RBFOX3: variants seen among roughly 807,000 people sequenced by gnomAD.
RBFOX3 encodes RNA binding fox-1 homolog 3.
Under a neutral mutation model 48.7 loss-of-function variants are expected in RBFOX3, and 17 were observed. That is an observed-to-expected ratio of 0.35 (90% confidence interval 0.24 to 0.52). RBFOX3 has a LOEUF of 0.52. RBFOX3 is among the 20% of genes least tolerant of loss of function. The probability of loss-of-function intolerance (pLI) is 0.94; values close to 1 mark genes in which losing one functional copy is unlikely to be tolerated. For synonymous variants in RBFOX3, 212 were observed against 209.5 expected, an observed-to-expected ratio of 1.01 and a Z score of -0.10; for missense variants, 382 against 497.5, an observed-to-expected ratio of 0.77 and a Z score of 2.21.
Position 79,391,861 on chromosome 17 carries a change from T to TA in RBFOX3, c.-174-84038dup, listed in dbSNP as rs34292350. On this transcript the variant is annotated intron_variant, in intron 2 of 14. Transcript: ENST00000693108. This position sits in a 1 kb window ranked among gnomAD's most constrained non-coding sequence, Gnocchi z 5.0. Reference sequence around the variant, plus strand: ...TCTGATCCTCGGTTTCCGAATCTGTTAAAAAAAAAAGGCTCCAGGCTGGAC... The same window carrying TA: ...TCTGATCCTCGGTTTCCGAATCTGTTAAAAAAAAAAAGGCTCCAGGCTGGAC... Among the ~76,000 whole-genome samples the TA allele has an allele frequency of 0.088, 12,992 of 147,970 alleles. 508 individuals are homozygous for TA. The highest frequency in any genetic ancestry group is 0.15 in the Middle Eastern group (42 of 284).
In RBFOX3 at chr17:79,365,166, C is replaced by A. The variant is rs143775878; in HGVS notation, c.-174-57342G>T. 6.5e-3 allele frequency among the ~76,000 whole-genome samples: 993 copies of A among 152,206 alleles called. 6 individuals are homozygous for A. The highest frequency in any genetic ancestry group is 0.017 in the Middle Eastern group (5 of 294). On this transcript the variant is annotated intron_variant, in intron 2 of 14. Coordinates refer to ENST00000693108, the MANE Select transcript of RBFOX3 (RefSeq NM_001350451.2). Reference sequence around the variant, plus strand: ...ACACACTCTCTCATGCACATGCACACGGTATTTCTGGGGAAAATCTTAACT... The same window carrying A: ...ACACACTCTCTCATGCACATGCACAAGGTATTTCTGGGGAAAATCTTAACT...
intron 4 of RBFOX3, among the ~76,000 whole-genome samples, chr17:79,130,266 G>A (rs1447588956): frequency 6.6e-6 from 1 of 152,136 alleles, no homozygotes; most frequent in Non-Finnish European, 1.5e-5. Context: ...ACTTCTCCAC[G>A]AAGACTTCCT....
At chr17:79,498,253 T>C (rs2081856453) in intron 1 of RBFOX3, among the ~76,000 whole-genome samples, 1 of 152,164 alleles carries the variant, frequency 6.6e-6, no homozygotes, top group South Asian at 2.1e-4. Flanking sequence ...CGTTTTCCTT[T>C]TGCGCTCCTT....
intron 3 of RBFOX3, among the ~76,000 whole-genome samples, chr17:79,273,646 A>G (rs1032213633): frequency 2.1e-4 from 32 of 152,102 alleles, no homozygotes; most frequent in African/African-American, 7.7e-4. Flanking sequence ...GTCCTGGGGC[A>G]CATAGGTGGT....
chr17:79,192,656 C>G (rs531679292), intron 4 of RBFOX3, among the ~76,000 whole-genome samples: 3 of 152,288 alleles, frequency 2.0e-5, no homozygotes, highest in Non-Finnish European at 2.9e-5. Flanking sequence ...GCTGGAAGGA[C>G]CGGGCACGAG....
rs944625354 is a variant in RBFOX3, at chr17:79,576,670, T to C, written c.-320+34156A>G. On this transcript the variant is annotated intron_variant, in intron 1 of 14. Transcript: ENST00000693108. Reference sequence around the variant, plus strand: ...TGGGAGATGATGGAGAAGTTGGAGATGATGGAGAAGGCGGAGATGATGAAG... The same window carrying C: ...TGGGAGATGATGGAGAAGTTGGAGACGATGGAGAAGGCGGAGATGATGAAG... 8.0e-3 allele frequency among the ~76,000 whole-genome samples: 1,193 copies of C among 148,984 alleles called. 18 individuals are homozygous for C. Among genetic ancestry groups the C allele is most frequent in the African/African-American group, 0.028 (1,134 of 40,186 alleles).
At position 79,480,352 on chromosome 17, in the gene RBFOX3, C is replaced by A. The variant is rs2149474962; in HGVS notation, c.-175+2102G>T. On this transcript the variant is annotated intron_variant, in intron 2 of 14. Transcript: ENST00000693108. This position sits in a 1 kb window ranked among gnomAD's most constrained non-coding sequence, Gnocchi z 4.8. ...CCGGGTCCATGGCAGAGCCAGTGCT[C>A]CCAGGGATAGAGTGCGACAGTGGGC... Among the ~76,000 whole-genome samples the A allele has an allele frequency of 6.6e-6, 1 of 152,292 alleles. No individual in the cohort carries two copies. The highest frequency in any genetic ancestry group is 1.9e-4 in the East Asian group (1 of 5,176).
Position 79,101,698 on chromosome 17 carries a change from A to C in RBFOX3, c.508-54T>G, listed in dbSNP as rs996121121. 1.1e-5 allele frequency: 17 copies of C among 1,480,106 alleles called. No homozygotes were observed. The Admixed American group carries it at 2.8e-4, about 24-fold the overall frequency. 91.7% of individuals were successfully genotyped at this position (1,480,106 alleles called of 1,614,324 possible). ...AGAGGGAGGATTAGCCTCCTGGAAGACCCACTGGCCACTCCTCCCCGCCCT... is the reference window on the plus strand; with the variant it reads ...AGAGGGAGGATTAGCCTCCTGGAAGCCCCACTGGCCACTCCTCCCCGCCCT... On this transcript the variant is annotated intron_variant, in intron 8 of 14. Transcript: ENST00000693108.
At position 79,364,641 on chromosome 17, in the gene RBFOX3, G is replaced by A. The variant is rs28583595; in HGVS notation, c.-174-56817C>T. Among the ~76,000 whole-genome samples the A allele has an allele frequency of 3.3e-5, 5 of 152,220 alleles. No individual in the cohort carries two copies. The highest frequency in any genetic ancestry group is 9.6e-5 in the African/African-American group (4 of 41,452). On this transcript the variant is annotated intron_variant, in intron 2 of 14. Transcript: ENST00000693108. The surrounding 1 kb of genome is among the most constrained non-coding windows in gnomAD (Gnocchi z 5.1). Reference sequence around the variant, plus strand: ...TGCTGGTGGGTGACGGGGAGCGGGCGTGAGCAGGTCGGATAGCCTGCTGTT... The same window carrying A: ...TGCTGGTGGGTGACGGGGAGCGGGCATGAGCAGGTCGGATAGCCTGCTGTT...
intron 4 of RBFOX3, among the ~76,000 whole-genome samples, chr17:79,229,895 A>T (rs190700244): frequency 6.6e-6 from 1 of 152,314 alleles, no homozygotes; most frequent in Admixed American, 6.5e-5. Flanking sequence ...CCTTTTGAAC[A>T]GGCCTGTTGT....
intron 4 of RBFOX3, among the ~76,000 whole-genome samples, chr17:79,164,244 GAA>G (rs1158641746): frequency 2.0e-5 from 3 of 152,206 alleles, no homozygotes; most frequent in Non-Finnish European, 4.4e-5. Flanking sequence ...CGCCTGGGCA[GAA>G]AAGTGCAGCT....
At chr17:79,231,754 C>G (rs1176100244) in intron 4 of RBFOX3, among the ~76,000 whole-genome samples, 1 of 152,166 alleles carries the variant, frequency 6.6e-6, no homozygotes, top group Non-Finnish European at 1.5e-5. Context: ...TATCCATACA[C>G]AGAAAACCAT....
At chr17:79,275,006 C>G (rs1351825153) in intron 3 of RBFOX3, among the ~76,000 whole-genome samples, 1 of 148,398 alleles carries the variant, frequency 6.7e-6, no homozygotes, top group East Asian at 2.0e-4. Context: ...CCATCATCCA[C>G]CAGCCCCAGA....
the RBFOX3 span, among the ~76,000 whole-genome samples, chr17:79,620,429 G>GGACA: frequency 9.0e-6 from 1 of 111,554 alleles, no homozygotes; most frequent in Non-Finnish European, 1.9e-5. Flanking sequence ...ACACACGCAC[G>GGACA]TGCACACATG....
At chr17:79,658,822 A>G in the RBFOX3 span, among the ~76,000 whole-genome samples, 1 of 152,296 alleles carries the variant, frequency 6.6e-6, no homozygotes, top group South Asian at 2.1e-4. Flanking sequence ...AAGAGCTTAT[A>G]TTCTAGACAA....
chr17:79,179,494 C>T (rs1409067727), intron 4 of RBFOX3, among the ~76,000 whole-genome samples: 1 of 152,158 alleles, frequency 6.6e-6, no homozygotes, highest in Non-Finnish European at 1.5e-5. Context: ...CCCAGGAAGA[C>T]CCTGGGTCCT....
chr17:79,096,541 G>A (rs2075295206), intron 12 of RBFOX3, 112 bp downstream of exon 12: 3 of 942,794 alleles, frequency 3.2e-6, no homozygotes, highest in Non-Finnish European at 1.6e-6. Flanking sequence ...GGCTTCAAGG[G>A]TGGGATGGGA....
At chr17:79,430,751 G>T (rs2068284894) in intron 2 of RBFOX3, among the ~76,000 whole-genome samples, 1 of 152,130 alleles carries the variant, frequency 6.6e-6, no homozygotes, top group South Asian at 2.1e-4. Flanking sequence ...TGCCACGTTG[G>T]CCAGGTTGGT....
rs1838228023 is a variant in RBFOX3, at chr17:79,103,530, G to A, written c.415-276C>T. Among the ~76,000 whole-genome samples, 1 of 152,140 alleles carries A rather than the reference G, an allele frequency of 6.6e-6. No individual in the cohort carries two copies. The highest frequency in any genetic ancestry group is 1.5e-5 in the Non-Finnish European group (1 of 68,016). On this transcript the variant is annotated intron_variant, in intron 7 of 14. Coordinates refer to ENST00000693108, the MANE Select transcript of RBFOX3 (RefSeq NM_001350451.2). The surrounding 1 kb of genome is among the most constrained non-coding windows in gnomAD (Gnocchi z 6.1). ...GCTGATCACCCGGCATCTCCAAAGG[G>A]ACAGGCCAAAGCCACATAAGAGACG...
Sources: allele counts gnomAD v4.1 joint callset (sites outside exome capture counted in the v4.1 genomes callset), GRCh38; gene constraint gnomAD v4.1.1; non-coding constraint Gnocchi (gnomAD v3.1); transcripts MANE v1.5; gene names NCBI Gene and HGNC (gene_info 2026-07-23, HGNC 2026-07-21).